The following DOCK5 variants were observed in gnomAD, a reference collection of about 807,000 sequenced individuals.
DOCK5 encodes dedicator of cytokinesis 5, also known as dedicator of cytokinesis protein 5.
A neutral mutation model predicts 251.8 loss-of-function variants in DOCK5; 142 were observed. The ratio of observed to expected loss-of-function variants is 0.56; its 90% CI spans 0.49 to 0.65. DOCK5 has a LOEUF of 0.65. DOCK5 is among the 30% of genes least tolerant of loss of function. The pLI is 0.00. For missense variants in DOCK5, 2,111 were observed against 2,312.3 expected (o/e 0.91, Z 1.79); for synonymous variants, 842 against 835.5 (o/e 1.01, Z -0.13).
chr8:25,384,459 A>ATT (rs1208387306), intron 40 of DOCK5, among the ~76,000 whole-genome samples: 49 of 65,664 alleles, frequency 7.5e-4, no homozygotes, highest in Admixed American at 8.9e-4. Context: ...TTATTTATTT[A>ATT]TTTATTTTTT....
chr8:25,300,749 A>T (rs1397323910), intron 9 of DOCK5, 92 bp downstream of exon 9: 6 of 1,341,380 alleles, frequency 4.5e-6, no homozygotes, highest in Non-Finnish European at 6.1e-6. Context: ...AAATGAAAAG[A>T]TGAAAGGAAA....
rs1805489997 is a variant in DOCK5 at position 25,323,868 on chromosome 8, G to A, written c.1636G>A (p.Ala546Thr). Reference sequence around the variant, plus strand: ...TTCAGCCAGAGATAAATCGGAGCGAGCATTTGGGGTGGCCTTCGTGAAGCT... The same window carrying A: ...TTCAGCCAGAGATAAATCGGAGCGAACATTTGGGGTGGCCTTCGTGAAGCT... ...SQETRDKSER[A>T]FGVAFVKLMN... Residue 546 changes from alanine to threonine, a missense_variant, in exon 17 of 52, where the codon GCA becomes ACA. Physicochemically the swap from Ala to Thr is moderately conservative, Grantham distance 58. This residue lies in a region of DOCK5 where 1,717 missense variants were observed against 1,892.4 expected (regional missense o/e 0.91). Coordinates refer to ENST00000276440, the MANE Select transcript of DOCK5 (RefSeq NM_024940.8). 1.2e-6 allele frequency: 2 copies of A among 1,613,342 alleles called. No homozygotes were observed. Among genetic ancestry groups the A allele is most frequent in the South Asian group, 1.1e-5 (1 of 90,862 alleles).
At chr8:25,292,247 G>GC in intron 6 of DOCK5, 75 bp downstream of exon 6, 1 of 1,417,320 alleles carries the variant, frequency 7.1e-7, no homozygotes, top group South Asian at 1.4e-5. Flanking sequence ...GACACTGTTT[G>GC]CAGCGACCTT....
At chr8:25,359,740 G>A (rs937359094) in intron 28 of DOCK5, among the ~76,000 whole-genome samples, 3 of 152,212 alleles carry the variant, frequency 2.0e-5, no homozygotes, top group Non-Finnish European at 2.9e-5. Context: ...GCCCCCATCC[G>A]TGGAAAAATT....
In DOCK5 at chr8:25,277,767, A is replaced by T. The variant is rs556856049; in HGVS notation, c.225-802A>T. ...CAATTCAAATAGTAAGTAATTTTTC[A>T]TAGTAAGCATTTCCCAGATATTTCA... On this transcript the variant is annotated intron_variant, in intron 4 of 51. Coordinates refer to ENST00000276440, the MANE Select transcript of DOCK5 (RefSeq NM_024940.8). Among the ~76,000 whole-genome samples the T allele has an allele frequency of 2.6e-5, 4 of 152,326 alleles. No homozygotes were observed. In the East Asian group the frequency reaches 7.7e-4, roughly 29 times the overall value.
chr8:25,204,434 G>A (rs757560426), intron 1 of DOCK5, among the ~76,000 whole-genome samples: 2 of 152,138 alleles, frequency 1.3e-5, no homozygotes, highest in Non-Finnish European at 2.9e-5. Context: ...CTGCAAAACA[G>A]AGATAATATT....
chr8:25,184,979 C>T, intron 1 of DOCK5, 28 bp downstream of exon 1: 1 of 1,351,412 alleles, frequency 7.4e-7, no homozygotes, highest in East Asian at 2.9e-5. Context: ...CTTGTCCCGG[C>T]CCGACCCACG....
At chr8:25,402,391 GGTTC>G (rs1801454143) in intron 47 of DOCK5, among the ~76,000 whole-genome samples, 1 of 152,130 alleles carries the variant, frequency 6.6e-6, no homozygotes, top group Non-Finnish European at 1.5e-5. Context: ...CTGCCTCCCA[GGTTC>G]ACACCATTCT....
chr8:25,407,376 T>G (rs2248187), intron 48 of DOCK5, among the ~76,000 whole-genome samples: 1 of 152,004 alleles, frequency 6.6e-6, no homozygotes, highest in Admixed American at 6.5e-5. Flanking sequence ...CATAAAACTG[T>G]CTATTGAATC....
chr8:25,376,361 A>G (rs1800963623), intron 37 of DOCK5: 4 of 985,214 alleles, frequency 4.1e-6, no homozygotes, highest in Middle Eastern at 5.2e-4. Context: ...GCTTATTGGT[A>G]TAAGATCCCA....
intron 39 of DOCK5, 38 bp downstream of exon 39, chr8:25,380,432 G>T: frequency 2.6e-6 from 4 of 1,531,968 alleles, no homozygotes; most frequent in South Asian, 1.2e-5. Context: ...CTCTGACAGG[G>T]TTGCTAAAAT....
chr8:25,375,563 AC>A (rs1800949438), intron 37 of DOCK5: 2 of 433,374 alleles, frequency 4.6e-6, no homozygotes, highest in South Asian at 9.9e-5. Context: ...TATCTCCCTG[AC>A]TACCACCTTG....
At chr8:25,351,190 TG>T (rs1320641322) in intron 26 of DOCK5, among the ~76,000 whole-genome samples, 10 of 152,128 alleles carry the variant, frequency 6.6e-5, no homozygotes, top group Admixed American at 1.3e-4. Flanking sequence ...CCCGATTAGC[TG>T]GGACTACAGA....
chr8:25,207,057 C>A (rs1376547898), intron 1 of DOCK5, among the ~76,000 whole-genome samples: 1 of 152,194 alleles, frequency 6.6e-6, no homozygotes, highest in Non-Finnish European at 1.5e-5. Flanking sequence ...CCTTGCAATA[C>A]CGTGGCATCA....
rs778790014 is a variant in DOCK5 at position 25,310,460 on chromosome 8, A to G, written c.1246A>G (p.Asn416Asp). ...LPGDLTQVQK[N>D]FSHLVDRSTA... ...CGGTGACCTCACCCAGGTTCAGAAG[A>G]ATTTTTCACACTTGGTTGATAGATC... Residue 416 changes from asparagine (N) to aspartate (D), a missense_variant, in exon 13 of 52, where the codon AAT (asparagine) becomes GAT (aspartate). Around this residue, in one of 3 missense-constraint regions of DOCK5, gnomAD observed 1,717 missense variants for 1,892.4 expected, o/e 0.91. Transcript: ENST00000276440. The G allele has an allele frequency of 3.1e-6, 5 of 1,613,844 alleles. No individual in the cohort carries two copies. The highest frequency in any genetic ancestry group is 1.7e-5 in the Admixed American group (1 of 59,980).
intron 38 of DOCK5, among the ~76,000 whole-genome samples, chr8:25,378,404 A>G (rs1262358677): frequency 6.6e-6 from 1 of 152,218 alleles, no homozygotes; most frequent in Non-Finnish European, 1.5e-5. Flanking sequence ...TCCCTTGTGT[A>G]TTCTTGAATT....
chr8:25,374,696 G>C, intron 37 of DOCK5, 42 bp downstream of exon 37: 2 of 1,613,518 alleles, frequency 1.2e-6, no homozygotes, highest in Non-Finnish European at 1.7e-6. Flanking sequence ...GTGGAGTACA[G>C]TGTCCTTTCA....
At chr8:25,197,575 CTTTTTTTTTTT>C (rs541455591) in intron 1 of DOCK5, among the ~76,000 whole-genome samples, 5 of 108,308 alleles carry the variant, frequency 4.6e-5, no homozygotes, top group Admixed American at 2.0e-4. Context: ...GTGTCTTTGT[CTTTTTTTTTTT>C]TTTTTTTTTT....
intron 23 of DOCK5, 139 bp downstream of exon 23, chr8:25,341,127 C>A: frequency 1.7e-6 from 1 of 591,092 alleles, no homozygotes; most frequent in Non-Finnish European, 2.9e-6. Context: ...GTATGATTTA[C>A]AGAAAATAAA....
Sources: gnomAD v4.1 joint callset for allele counts (sites outside exome capture counted in the v4.1 genomes callset) on GRCh38, gnomAD v4.1.1 for gene constraint, gnomAD v4.1.1 regional missense constraint, MANE v1.5 for transcripts, NCBI Gene and HGNC (gene_info 2026-07-23, HGNC 2026-07-21) for gene names.